The following ENY2 variants were observed in gnomAD, a reference collection of about 807,000 sequenced individuals.
ENY2 encodes ENY2 transcription and export complex 2 subunit.
In ENY2, 4 loss-of-function variants were observed where a neutral mutation model predicts 15.9. That is an observed-to-expected ratio of 0.25 (90% CI 0.12 to 0.57). The LOEUF (loss-of-function observed/expected upper bound fraction) is 0.57. Ranked by LOEUF, ENY2 falls within the 20% of genes least tolerant of loss-of-function variation. The pLI, the probability that ENY2 is intolerant of heterozygous loss-of-function variation, is 0.91. For missense variants in ENY2, 54 were observed against 117.2 expected, an observed-to-expected ratio of 0.46 and a Z score of 2.49; for synonymous variants, 48 against 38.0, an observed-to-expected ratio of 1.26 and a Z score of -0.97.
intron 1 of ENY2, chr8:109,335,727 C>T (rs1213775497): frequency 6.5e-6 from 1 of 154,960 alleles, no homozygotes; most frequent in Non-Finnish European, 1.4e-5. Flanking sequence ...ATGACTTCTC[C>T]CAATTTTTGG....
intron 4 of ENY2, among the ~76,000 whole-genome samples, chr8:109,341,794 C>T (rs1361172501): frequency 6.6e-6 from 1 of 152,114 alleles, no homozygotes; most frequent in African/African-American, 2.4e-5. Flanking sequence ...GAACTTTATA[C>T]ATATGTATAG....
chr8:109,340,625 T>C (rs2130195079), intron 4 of ENY2, 62 bp downstream of exon 4: 3 of 1,591,522 alleles, frequency 1.9e-6, no homozygotes, highest in Non-Finnish European at 2.6e-6. Context: ...TAAAATCTCT[T>C]GCTGGTTCAG....
chr8:109,339,481 C>A, intron 3 of ENY2, 91 bp downstream of exon 3: 1 of 1,035,464 alleles, frequency 9.7e-7, no homozygotes, highest in Non-Finnish European at 1.5e-6. Context: ...ATTGAGTATT[C>A]AAGCATGATT....
At position 109,334,363 on chromosome 8, in the gene ENY2, G is replaced by T. The variant is rs1159259875; in HGVS notation, c.-106G>T. The T allele has an allele frequency of 6.5e-7, 1 of 1,537,066 alleles. No homozygotes were observed. The highest frequency in any genetic ancestry group is 1.1e-5 in the South Asian group (1 of 87,282). On this transcript the variant is annotated 5_prime_UTR_variant, in exon 1 of 5. Coordinates refer to ENST00000521688, the MANE Select transcript of ENY2 (RefSeq NM_020189.6). ...TAGCTTTCTGTGTGCTTAGGTGCCC[G>T]AGCTACTGAGGGTCTAAGTCCGGGC...
chr8:109,343,319 T>C, intron 4 of ENY2, 86 bp from the exon 5 acceptor site: 1 of 1,071,668 alleles, frequency 9.3e-7, no homozygotes, highest in Non-Finnish European at 1.4e-6. Context: ...TCTTATGTTG[T>C]TTACCCTGAG....
rs1365555084 is a variant in ENY2, at chr8:109,339,403, A to G, written c.154+13A>G. Reference sequence around the variant, plus strand: ...GCACACTGTAAAGGTAATCAGTTTCATTTGGAAGATAAACTAATCCCATTT... The same window carrying G: ...GCACACTGTAAAGGTAATCAGTTTCGTTTGGAAGATAAACTAATCCCATTT... On this transcript the variant is annotated intron_variant, in intron 3 of 4. Coordinates refer to ENST00000521688, the MANE Select transcript of ENY2 (RefSeq NM_020189.6). 1.2e-6 allele frequency: 2 copies of G among 1,611,972 alleles called. No homozygotes were observed. Among genetic ancestry groups the G allele is most frequent in the Non-Finnish European group, 8.5e-7 (1 of 1,178,146 alleles).
intron 2 of ENY2, among the ~76,000 whole-genome samples, chr8:109,337,195 A>T (rs1445019153): frequency 1.3e-5 from 2 of 152,022 alleles, no homozygotes; most frequent in Non-Finnish European, 2.9e-5. Context: ...AGAAGATTAT[A>T]TAGGGTTGAA....
At chr8:109,339,615 A>G in intron 3 of ENY2, 1 of 437,598 alleles carries the variant, frequency 2.3e-6, no homozygotes, top group Non-Finnish European at 4.1e-6. Context: ...TTTCTCTGGC[A>G]TCAGAATATG....
intron 4 of ENY2, 130 bp downstream of exon 4, chr8:109,340,693 A>G: frequency 2.6e-6 from 3 of 1,164,842 alleles, no homozygotes; most frequent in Non-Finnish European, 3.6e-6. Flanking sequence ...TAAAGAGTTA[A>G]AATTGCCTAC....
chr8:109,341,428 T>C (rs1392790527), intron 4 of ENY2, among the ~76,000 whole-genome samples: 3 of 152,114 alleles, frequency 2.0e-5, no homozygotes, highest in Non-Finnish European at 4.4e-5. Flanking sequence ...AAAACATGAC[T>C]TTTTCTTCAA....
In ENY2 at chr8:109,343,587, C is replaced by G. The variant is rs1816169532; in HGVS notation, c.*106C>G. On this transcript the variant is annotated 3_prime_UTR_variant, in exon 5 of 5. Transcript: ENST00000521688. ...AAATCCTTTTTTGTATGATGGTATA[C>G]AGTTTTCAGTAATGATGTATACATT... 4.4e-6 allele frequency: 4 copies of G among 914,924 alleles called. No individual in the cohort carries two copies. The South Asian group carries it at 7.1e-5, about 16-fold the overall frequency. The allele number at this position is 914,924 out of a possible 1,614,324, so 56.7% of individuals were successfully genotyped here.
At chr8:109,340,359 T>G (rs1816086579) in intron 3 of ENY2, 130 bp from the exon 4 acceptor site, 4 of 1,365,516 alleles carry the variant, frequency 2.9e-6, no homozygotes, top group Non-Finnish European at 4.0e-6. Flanking sequence ...TTGAACTAAA[T>G]TTTCAGTGTC....
intron 1 of ENY2, 176 bp downstream of exon 1, chr8:109,334,650 C>A: frequency 1.6e-6 from 1 of 634,408 alleles, no homozygotes; most frequent in East Asian, 3.1e-5. Context: ...CTGGCTCCTC[C>A]TCTCCCGCCT....
chr8:109,337,597 AAAAAC>A (rs971601971), intron 2 of ENY2, among the ~76,000 whole-genome samples: 8 of 152,290 alleles, frequency 5.3e-5, no homozygotes, highest in South Asian at 2.1e-4. Flanking sequence ...TTTAGATAGA[AAAAAC>A]AAAGAAGAAA....
At chr8:109,342,082 A>G (rs1816125293) in intron 4 of ENY2, among the ~76,000 whole-genome samples, 1 of 152,010 alleles carries the variant, frequency 6.6e-6, no homozygotes, top group South Asian at 2.1e-4. Flanking sequence ...TAACTTTTTT[A>G]TGGAAATACT....
At chr8:109,336,744 C>T (rs1488869081) in intron 2 of ENY2, among the ~76,000 whole-genome samples, 2 of 152,172 alleles carry the variant, frequency 1.3e-5, no homozygotes, top group East Asian at 3.8e-4. Context: ...TTGTATCCTC[C>T]AGTATAATCT....
intron 2 of ENY2, among the ~76,000 whole-genome samples, chr8:109,337,357 T>C (rs77307202): frequency 1.9e-3 from 50 of 26,772 alleles, no homozygotes; most frequent in South Asian, 4.6e-3. Flanking sequence ...TGTATGTTGT[T>C]TTTTTTTTTT....
chr8:109,338,256 G>A (rs1293286772), intron 2 of ENY2: 3 of 152,166 alleles, frequency 2.0e-5, no homozygotes, highest in East Asian at 1.9e-4. Context: ...TAGTAATGGC[G>A]GAGATAGTGA....
intron 1 of ENY2, 46 bp from the exon 2 acceptor site, chr8:109,336,082 A>G: frequency 1.3e-6 from 2 of 1,584,116 alleles, no homozygotes; most frequent in Non-Finnish European, 1.7e-6. Context: ...TTAGCAGAAA[A>G]TGCTTTGTAA....
Sources: gnomAD v4.1 joint callset for allele counts (sites outside exome capture counted in the v4.1 genomes callset) on GRCh38, gnomAD v4.1.1 for gene constraint, MANE v1.5 for transcripts, NCBI Gene and HGNC (gene_info 2026-07-23, HGNC 2026-07-21) for gene names.